COL27A1: variants seen among roughly 807,000 people sequenced by gnomAD.
COL27A1 encodes collagen type XXVII alpha 1 chain.
COL27A1 carries 106 observed loss-of-function variants against 251.3 expected under a neutral mutation model. That is an observed-to-expected ratio of 0.42 (90% CI 0.36 to 0.50). COL27A1 has a LOEUF of 0.50. Ranked by LOEUF, COL27A1 falls within the 20% of genes least tolerant of loss-of-function variation. COL27A1 has a pLI of 0.00. For missense variants in COL27A1, 2,325 were observed against 2,522.8 expected, an observed-to-expected ratio of 0.92 and a Z score of 1.68; for synonymous variants, 1,000 against 986.3, an observed-to-expected ratio of 1.01 and a Z score of -0.26.
At chr9:114,244,083 G>A (rs575975530) in intron 23 of COL27A1, among the ~76,000 whole-genome samples, 33 of 152,096 alleles carry the variant, frequency 2.2e-4, no homozygotes, top group Middle Eastern at 3.4e-3. Flanking sequence ...GCAGCACCAC[G>A]CCCAGCTAAT....
chr9:114,246,200 C>T (rs1023535020), intron 24 of COL27A1: 2 of 346,174 alleles, frequency 5.8e-6, no homozygotes, highest in Non-Finnish European at 1.0e-5. Context: ...GACTGCTCCC[C>T]CAGGACATTA....
chr9:114,301,098 C>T lies in COL27A1; in HGVS notation c.4728C>T (p.Leu1576=), dbSNP rs141655747. ...LMGKEGIVGP[L]GILGPSGLPG... The stretch of plus-strand genomic sequence containing the variant: ...GAAAGGAAGGCATCGTCGGGCCCCT[C>T]GGAATCCTGGGACCTTCGGGACTCC... Residue 1576 remains leucine (L), a synonymous_variant, in exon 52 of 61, where the codon CTC becomes CTT. Transcript: ENST00000356083. 104 of 1,613,008 alleles carry T rather than the reference C, an allele frequency of 6.4e-5. 1 individual carries two copies. In the African/African-American group the frequency reaches 1.2e-3, roughly 18 times the overall value.
chr9:114,249,060 G>T (rs1000084137), intron 24 of COL27A1, among the ~76,000 whole-genome samples: 3 of 152,266 alleles, frequency 2.0e-5, no homozygotes, highest in Admixed American at 2.0e-4. Flanking sequence ...AAGTAGGGAG[G>T]TACCTTTATT....
chr9:114,253,611 A>G (rs534551258), intron 27 of COL27A1, among the ~76,000 whole-genome samples: 33 of 152,326 alleles, frequency 2.2e-4, no homozygotes, highest in African/African-American at 7.7e-4. Context: ...CAGCTACACC[A>G]CTTTCTGACT....
intron 4 of COL27A1, among the ~76,000 whole-genome samples, chr9:114,181,179 A>G (rs2135162875): frequency 6.6e-6 from 1 of 152,256 alleles, no homozygotes; most frequent in South Asian, 2.1e-4. Context: ...GCTGGGGATT[A>G]TGAGGTGGGG....
chr9:114,296,947 T>TA (rs1202549277), intron 49 of COL27A1, among the ~76,000 whole-genome samples: 1 of 152,158 alleles, frequency 6.6e-6, no homozygotes, highest in Non-Finnish European at 1.5e-5. Flanking sequence ...AGAACTCAGA[T>TA]AAAAAATAGT....
At chr9:114,295,272 C>G (rs952990866) in intron 49 of COL27A1, among the ~76,000 whole-genome samples, 9 of 152,154 alleles carry the variant, frequency 5.9e-5, no homozygotes, top group African/African-American at 2.2e-4. Context: ...CTATAGAACA[C>G]TGGTAAGAGA....
rs146562488 is a variant in COL27A1 at position 114,285,836 on chromosome 9, C to T, written c.3987+1059C>T. 8.2e-3 allele frequency among the ~76,000 whole-genome samples: 1,249 copies of T among 152,344 alleles called. 7 individuals carry two copies. The highest frequency in any genetic ancestry group is 0.01 in the Non-Finnish European group (684 of 68,036). ...CTGGTGTGCCCCAAGGCCTCTGCGCCGGAGCATCTGCAGCTCTAGAAGCAG... is the reference window on the plus strand; with the variant it reads ...CTGGTGTGCCCCAAGGCCTCTGCGCTGGAGCATCTGCAGCTCTAGAAGCAG... On this transcript the variant is annotated intron_variant, in intron 41 of 60. Transcript: ENST00000356083.
intron 14 of COL27A1, among the ~76,000 whole-genome samples, chr9:114,223,178 C>T (rs1478958821): frequency 1.3e-5 from 2 of 152,198 alleles, no homozygotes; most frequent in Non-Finnish European, 1.5e-5. Flanking sequence ...AAATGACACT[C>T]CAAGTGTCCC....
In COL27A1 at chr9:114,309,511, G is replaced by C. The variant is rs372559696; in HGVS notation, c.5436+33G>C. 1.9e-5 allele frequency: 30 copies of C among 1,560,884 alleles called. 1 individual carries two copies. The South Asian group carries it at 3.4e-4, about 17-fold the overall frequency. ...TCAGAGCCCCTCCTAGGCCCTTCAT[G>C]TGGGGACAACTGGAAAAACACTTGT... On this transcript the variant is annotated intron_variant, in intron 60 of 60. Coordinates refer to ENST00000356083, the MANE Select transcript of COL27A1 (RefSeq NM_032888.4).
chr9:114,242,637 C>A (rs985984417), intron 22 of COL27A1, among the ~76,000 whole-genome samples: 1 of 152,214 alleles, frequency 6.6e-6, no homozygotes, highest in Non-Finnish European at 1.5e-5. Flanking sequence ...TGTCCTACAC[C>A]CCTTCTTGGT....
chr9:114,176,547 G>C (rs890384301), intron 3 of COL27A1, among the ~76,000 whole-genome samples: 2 of 151,132 alleles, frequency 1.3e-5, no homozygotes, highest in Non-Finnish European at 3.0e-5. Context: ...GGGTGGGGGG[G>C]GGTGCCCTAT....
chr9:114,259,317 T>G (rs987451386), intron 28 of COL27A1, among the ~76,000 whole-genome samples: 1 of 150,748 alleles, frequency 6.6e-6, no homozygotes, highest in Non-Finnish European at 1.5e-5. Context: ...CTGCAGGGGG[T>G]TTTAAACAAG....
intron 16 of COL27A1, among the ~76,000 whole-genome samples, chr9:114,233,334 T>C (rs1331735594): frequency 6.6e-6 from 1 of 152,218 alleles, no homozygotes; most frequent in African/African-American, 2.4e-5. Context: ...AGCCTATCCC[T>C]GGGTAGCCAG....
At chr9:114,206,197 G>A (rs1829952071) in intron 9 of COL27A1, 55 bp from the exon 10 acceptor site, 1 of 1,570,542 alleles carries the variant, frequency 6.4e-7, no homozygotes, top group Non-Finnish European at 8.8e-7. Context: ...CCCCAGGATT[G>A]GCAGCAGGTA....
rs1831917178 is a variant in COL27A1, at chr9:114,231,123, GGGCATGAA to G, written c.2514_2520+1del. 1.9e-6 allele frequency: 3 copies of G among 1,613,334 alleles called. No individual in the cohort carries two copies. On this transcript the variant is annotated frameshift_variant and splice_region_variant, in exon 15 of 61. Coordinates refer to ENST00000356083, the MANE Select transcript of COL27A1 (RefSeq NM_032888.4). LOFTEE classifies it high-confidence loss of function. Reference sequence around the variant, plus strand: ...GTCCGATTGGCTACCCGGGACCCAAGGGCATGAAGGTAAGCAAGGGATGTTCCCCCGAT... The same window carrying G: ...GTCCGATTGGCTACCCGGGACCCAAGGGTAAGCAAGGGATGTTCCCCCGAT...
chr9:114,194,260 A>C, intron 5 of COL27A1, 144 bp from the exon 6 acceptor site: 4 of 789,210 alleles, frequency 5.1e-6, no homozygotes, highest in Non-Finnish European at 8.9e-6. Flanking sequence ...GTAGAATTGG[A>C]GAAGACCCTC....
chr9:114,240,160 A>G (rs2135473410), intron 19 of COL27A1, 60 bp from the exon 20 acceptor site: 1 of 1,452,186 alleles, frequency 6.9e-7, no homozygotes, highest in South Asian at 1.1e-5. Context: ...TGCAAGACGC[A>G]TCCCCGTAGC....
intron 22 of COL27A1, among the ~76,000 whole-genome samples, chr9:114,243,192 T>C (rs1213280131): frequency 6.6e-6 from 1 of 152,200 alleles, no homozygotes; most frequent in Non-Finnish European, 1.5e-5. Context: ...AACTGTTCCT[T>C]CCCTGCACCC....
Sources: gnomAD v4.1 joint callset for allele counts (sites outside exome capture counted in the v4.1 genomes callset) on GRCh38, gnomAD v4.1.1 for gene constraint, MANE v1.5 for transcripts, NCBI Gene and HGNC (gene_info 2026-07-23, HGNC 2026-07-21) for gene names.